CDH11: variants seen among roughly 807,000 people sequenced by gnomAD.
CDH11 encodes the protein cadherin 11.
In CDH11, 11 loss-of-function variants were observed where a neutral mutation model predicts 67.8. That is an observed-to-expected ratio of 0.16 (90% CI 0.10 to 0.27). The LOEUF (loss-of-function observed/expected upper bound fraction) is 0.27, where lower values mean the gene tolerates loss of function less well. CDH11 is among the 10% of genes least tolerant of loss of function. The probability of loss-of-function intolerance (pLI) is 1.00; values close to 1 mark genes in which losing one functional copy is unlikely to be tolerated. For synonymous variants in CDH11, 419 were observed against 400.0 expected (o/e 1.05, Z -0.57); for missense variants, 847 against 1,031.2 (o/e 0.82, Z 2.45).
chr16:64,998,910 A>G, intron 3 of CDH11, 54 bp from the exon 4 acceptor site: 1 of 1,467,062 alleles, frequency 6.8e-7, no homozygotes, highest in Non-Finnish European at 9.5e-7. Flanking sequence ...CAGTGGGGAA[A>G]CTCACTTACA....
At chr16:65,021,937 G>T (rs257336) in intron 2 of CDH11, among the ~76,000 whole-genome samples, 39,313 of 149,308 alleles carry the variant, frequency 0.26, 5,825 homozygotes, top group Middle Eastern at 0.35. Context: ...TCCATGGAGG[G>T]GTAAAGTTTA....
chr16:65,090,054 G>A (rs767921789), intron 1 of CDH11, among the ~76,000 whole-genome samples: 28 of 152,128 alleles, frequency 1.8e-4, no homozygotes, highest in Admixed American at 3.9e-4. Flanking sequence ...ATGACATGGT[G>A]TGATTGCAAT....
At position 65,096,406 on chromosome 16, in the gene CDH11, G is replaced by GGGGT. The variant is rs1555528173; in HGVS notation, c.-298+25473_-298+25474insACCC. Among the ~76,000 whole-genome samples the GGGGT allele has an allele frequency of 1.9e-3, 253 of 134,018 alleles. 4 individuals carry two copies. The highest frequency in any genetic ancestry group is 0.012 in the East Asian group (57 of 4,568). The allele number at this position is 134,018 out of a possible 152,430, so 87.9% of individuals were successfully genotyped here. On this transcript the variant is annotated intron_variant, in intron 1 of 12. Coordinates refer to ENST00000268603, the MANE Select transcript of CDH11 (RefSeq NM_001797.4). ...CAATCTCTTACCATAAATCTTTCGG[G>GGGGT]GTGTGTGTGTGTGTGTGTGTGTGTG... is the stretch of plus-strand genomic sequence containing the variant.
chr16:64,990,987 A>G (rs1174403987), intron 6 of CDH11, among the ~76,000 whole-genome samples: 1 of 152,180 alleles, frequency 6.6e-6, no homozygotes. Context: ...TGACTTTGAC[A>G]GGTCTTCCAT....
intron 1 of CDH11, among the ~76,000 whole-genome samples, chr16:65,069,185 T>G (rs1220076570): frequency 1.3e-5 from 2 of 152,224 alleles, no homozygotes; most frequent in Non-Finnish European, 2.9e-5. Flanking sequence ...GTGCATGGAA[T>G]AGCAGGCTTT....
chr16:65,075,170 AG>A (rs2142780311), intron 1 of CDH11, among the ~76,000 whole-genome samples: 1 of 152,330 alleles, frequency 6.6e-6, no homozygotes, highest in East Asian at 1.9e-4. Flanking sequence ...AGACTTGGAT[AG>A]GGAAAAATGG....
At chr16:64,982,449 T>C in intron 7 of CDH11, 148 bp from the exon 8 acceptor site, 1 of 644,804 alleles carries the variant, frequency 1.6e-6, no homozygotes. Flanking sequence ...AGCCATTTGG[T>C]CAGAAAATCA....
rs369963348 is a variant in CDH11 at position 64,972,052 on chromosome 16, T to C, written c.1403A>G (p.Gln468Arg). The change falls in exon 10 of 13, where the codon CAG becomes CGG. Residue 468 changes from glutamine (Q) to arginine (R), a missense_variant. Coordinates refer to ENST00000268603, the MANE Select transcript of CDH11 (RefSeq NM_001797.4). ...AATGGCCACTGGGACTTTGGCTTCC[T>C]GATGCCGATTGTCTGGGAAGACAGA... ...VFAAEIHNRH[Q>R]EAKVPVAIRV... is the part of the protein sequence containing the mutation. 4.3e-6 allele frequency: 7 copies of C among 1,613,580 alleles called. No individual in the cohort carries two copies. The African/African-American group carries it at 8.0e-5, about 18-fold the overall frequency.
At chr16:65,096,679 T>C (rs1254263236) in intron 1 of CDH11, among the ~76,000 whole-genome samples, 1 of 149,384 alleles carries the variant, frequency 6.7e-6, no homozygotes. Flanking sequence ...TACAGTTTGA[T>C]ATATACAAAT....
At chr16:65,082,336 G>T (rs1532418) in intron 1 of CDH11, among the ~76,000 whole-genome samples, 36,474 of 152,086 alleles carry the variant, frequency 0.24, 5,394 homozygotes, top group Middle Eastern at 0.36. Context: ...GGACTGGGTG[G>T]CCCAGTGAGC....
upstream of CDH11, chr16:65,122,379 T>G (rs749406057): frequency 1.5e-5 from 3 of 206,114 alleles, no homozygotes; most frequent in African/African-American, 2.4e-5. Context: ...GCGACTGAAG[T>G]TGGGCTCCAG....
intron 7 of CDH11, among the ~76,000 whole-genome samples, chr16:64,984,108 C>A (rs1233728876): frequency 6.6e-6 from 1 of 152,182 alleles, no homozygotes; most frequent in African/African-American, 2.4e-5. Flanking sequence ...TGGCGAGATT[C>A]CAAGTCTGGT....
intron 2 of CDH11, among the ~76,000 whole-genome samples, chr16:65,048,036 CG>C (rs1445271307): frequency 6.6e-6 from 1 of 152,206 alleles, no homozygotes; most frequent in Non-Finnish European, 1.5e-5. Flanking sequence ...AGCAACAGTA[CG>C]GTTCCATTGT....
chr16:65,075,641 T>C (rs552100319), intron 1 of CDH11, among the ~76,000 whole-genome samples: 2 of 152,312 alleles, frequency 1.3e-5, no homozygotes, highest in South Asian at 2.1e-4. Context: ...GGAGACTCTA[T>C]TGCTAACAAG....
chr16:65,065,679 G>T lies in CDH11; in HGVS notation c.-297-11751C>A, dbSNP rs540198984. On this transcript the variant is annotated intron_variant, in intron 1 of 12. Transcript: ENST00000268603. Reference sequence around the variant, plus strand: ...TGGGCTGCTTAGAACAGCATCACTGGCCCACAGAGGTGAAGGAAGGAGATA... The same window carrying T: ...TGGGCTGCTTAGAACAGCATCACTGTCCCACAGAGGTGAAGGAAGGAGATA... Among the ~76,000 whole-genome samples the T allele has an allele frequency of 2.0e-5, 3 of 152,270 alleles. No individual in the cohort carries two copies. The South Asian group carries it at 6.2e-4, about 32-fold the overall frequency.
chr16:65,071,664 T>C (rs924181806), intron 1 of CDH11, among the ~76,000 whole-genome samples: 4 of 152,152 alleles, frequency 2.6e-5, no homozygotes, highest in Admixed American at 6.5e-5. Context: ...ATGCTATTTC[T>C]CTCAAAGATA....
At chr16:65,018,921 G>A (rs1035684947) in intron 2 of CDH11, among the ~76,000 whole-genome samples, 8 of 152,158 alleles carry the variant, frequency 5.3e-5, no homozygotes, top group African/African-American at 9.7e-5. Flanking sequence ...TACAGCAGCC[G>A]CAGTCAAAGA....
intron 2 of CDH11, among the ~76,000 whole-genome samples, chr16:65,051,671 C>G (rs139378180): frequency 6.6e-6 from 1 of 152,090 alleles, no homozygotes; most frequent in Non-Finnish European, 1.5e-5. Flanking sequence ...GATTGGATCA[C>G]GAGGGCAGTT....
intron 1 of CDH11, among the ~76,000 whole-genome samples, chr16:65,102,950 T>C (rs1483935831): frequency 1.3e-5 from 2 of 152,204 alleles, no homozygotes; most frequent in Non-Finnish European, 2.9e-5. Context: ...ATTTTGGTTC[T>C]CTACTGCTGT....
Sources: gnomAD v4.1 joint callset for allele counts (sites outside exome capture counted in the v4.1 genomes callset) on GRCh38, gnomAD v4.1.1 for gene constraint, MANE v1.5 for transcripts, NCBI Gene and HGNC (gene_info 2026-07-23, HGNC 2026-07-21) for gene names.